The following ANKRD30BL variants were observed in gnomAD, a reference collection of about 807,000 sequenced individuals.
ANKRD30BL encodes ankyrin repeat domain 30B like.
A neutral mutation model predicts 18.4 loss-of-function variants in ANKRD30BL; 20 were observed. That is an observed-to-expected ratio of 1.09 (90% confidence interval 0.77 to 1.58). The LOEUF (loss-of-function observed/expected upper bound fraction) is 1.58. Among genes scored for constraint, ANKRD30BL ranks in the 40% most tolerant of loss-of-function variants. The probability of loss-of-function intolerance (pLI) is 0.00; values close to 1 mark genes in which losing one functional copy is unlikely to be tolerated. For synonymous variants in ANKRD30BL, 72 were observed against 100.9 expected, an observed-to-expected ratio of 0.71 and a Z score of 1.72; for missense variants, 224 against 268.6, an observed-to-expected ratio of 0.83 and a Z score of 1.16.
intron 1 of ANKRD30BL, among the ~76,000 whole-genome samples, chr2:132,210,645 C>T (rs1679321607): frequency 6.6e-6 from 1 of 151,454 alleles, no homozygotes; most frequent in Non-Finnish European, 1.5e-5. Flanking sequence ...TTGAAGCACA[C>T]TTTTTGTGGA....
intron 1 of ANKRD30BL, among the ~76,000 whole-genome samples, chr2:132,222,857 A>AAAAAAAAAAAAAC (rs1679731726): frequency 6.9e-6 from 1 of 144,274 alleles, no homozygotes; most frequent in Non-Finnish European, 1.5e-5. Context: ...AAAAAAAAAA[A>AAAAAAAAAAAAAC]AAAAAAAGAA....
intron 1 of ANKRD30BL, among the ~76,000 whole-genome samples, chr2:132,228,002 TG>T (rs1679893516): frequency 6.6e-6 from 1 of 152,138 alleles, no homozygotes; most frequent in Non-Finnish European, 1.5e-5. Flanking sequence ...CTCTTACTTT[TG>T]ATTGAGCAGT....
intron 1 of ANKRD30BL, among the ~76,000 whole-genome samples, chr2:132,240,773 G>A (rs557362127): frequency 2.0e-5 from 3 of 151,680 alleles, no homozygotes; most frequent in African/African-American, 4.8e-5. Flanking sequence ...CCCTCTTTTT[G>A]TAGTTTCTGG....
At chr2:132,185,809 A>G (rs1688550957) in intron 1 of ANKRD30BL, among the ~76,000 whole-genome samples, 2 of 152,208 alleles carry the variant, frequency 1.3e-5, no homozygotes, top group South Asian at 4.1e-4. Flanking sequence ...GAATACATTC[A>G]CATGGATTAC....
At chr2:132,212,560 C>A (rs1347315725) in intron 1 of ANKRD30BL, among the ~76,000 whole-genome samples, 1 of 151,896 alleles carries the variant, frequency 6.6e-6, no homozygotes, top group African/African-American at 2.4e-5. Flanking sequence ...TTTGATTGAG[C>A]AACTTGGAAA....
chr2:132,185,308 C>T (rs1245590490), intron 1 of ANKRD30BL, among the ~76,000 whole-genome samples: 1 of 152,170 alleles, frequency 6.6e-6, no homozygotes, highest in Non-Finnish European at 1.5e-5. Flanking sequence ...CAATTCTCAC[C>T]ACCAGAGAGA....
intron 1 of ANKRD30BL, among the ~76,000 whole-genome samples, chr2:132,200,834 C>T (rs1245186143): frequency 6.6e-6 from 1 of 152,150 alleles, no homozygotes; most frequent in African/African-American, 2.4e-5. Context: ...CCCGCATCGC[C>T]AAGTCAATCC....
intron 1 of ANKRD30BL, among the ~76,000 whole-genome samples, chr2:132,228,188 T>C (rs1433561630): frequency 1.3e-5 from 2 of 151,866 alleles, no homozygotes; most frequent in East Asian, 3.9e-4. Context: ...CAGTTTTGAA[T>C]CTCTCTTTTT....
intron 1 of ANKRD30BL, among the ~76,000 whole-genome samples, chr2:132,251,117 A>T (rs1055443557): frequency 2.0e-5 from 3 of 152,212 alleles, no homozygotes; most frequent in Non-Finnish European, 2.9e-5. Flanking sequence ...CTTTGAAGTG[A>T]AAGTCTGCTA....
intron 1 of ANKRD30BL, among the ~76,000 whole-genome samples, chr2:132,223,106 T>A (rs953418671): frequency 6.6e-6 from 1 of 152,118 alleles, no homozygotes; most frequent in Non-Finnish European, 1.5e-5. Context: ...GAAACGGGAA[T>A]ATATTTACAT....
chr2:132,167,340 ATTTT>A (rs1470542037), intron 1 of ANKRD30BL, among the ~76,000 whole-genome samples: 4 of 116,234 alleles, frequency 3.4e-5, no homozygotes, highest in Non-Finnish European at 7.6e-5. Context: ...ATTTTATTTT[ATTTT>A]GAGATAGAGC....
intron 1 of ANKRD30BL, among the ~76,000 whole-genome samples, chr2:132,233,606 T>A (rs1003069963): frequency 4.6e-5 from 7 of 150,588 alleles, no homozygotes; most frequent in African/African-American, 1.7e-4. Context: ...TACATAATGG[T>A]AAAGGGATCA....
At chr2:132,225,753 A>G (rs1312909936) in intron 1 of ANKRD30BL, among the ~76,000 whole-genome samples, 3 of 152,102 alleles carry the variant, frequency 2.0e-5, no homozygotes, top group Non-Finnish European at 4.4e-5. Flanking sequence ...TTGATAGAGC[A>G]GGTTTCAAAC....
In ANKRD30BL at chr2:132,198,618, C is replaced by T. The variant is rs892236799; in HGVS notation, n.442-41472G>A. ...GATCACAGGCATGAGCCACAGCGCCCAGCCTTTTTTTTTTTTTTTAGACAG... is the reference window on the plus strand; with the variant it reads ...GATCACAGGCATGAGCCACAGCGCCTAGCCTTTTTTTTTTTTTTTAGACAG... On this transcript the variant is annotated intron_variant and non_coding_transcript_variant, in intron 1 of 4. Coordinates refer to the ANKRD30BL transcript ENST00000470729. Among the ~76,000 whole-genome samples the T allele has an allele frequency of 2.8e-4, 43 of 151,026 alleles. 1 individual carries two copies. Among genetic ancestry groups the T allele is most frequent in the Admixed American group, 9.2e-4 (14 of 15,182 alleles).
intron 1 of ANKRD30BL, among the ~76,000 whole-genome samples, chr2:132,210,909 C>G (rs1410794238): frequency 6.6e-6 from 1 of 151,978 alleles, no homozygotes; most frequent in African/African-American, 2.4e-5. Flanking sequence ...CAGAAGCATT[C>G]TGAGAAACTT....
intron 1 of ANKRD30BL, among the ~76,000 whole-genome samples, chr2:132,254,942 G>A (rs1015378503): frequency 6.6e-6 from 1 of 152,180 alleles, no homozygotes; most frequent in Non-Finnish European, 1.5e-5. Flanking sequence ...GGCTGGGTGA[G>A]TTTTCCCATG....
chr2:132,254,285 G>A (rs1460358077), intron 1 of ANKRD30BL, among the ~76,000 whole-genome samples: 1 of 152,202 alleles, frequency 6.6e-6, no homozygotes, highest in Non-Finnish European at 1.5e-5. Flanking sequence ...GCGCCACAGG[G>A]GAACACGGTC....
intron 1 of ANKRD30BL, among the ~76,000 whole-genome samples, chr2:132,249,142 C>T (rs56092021): frequency 0.17 from 25,848 of 151,288 alleles, 2,139 homozygotes; most frequent in Non-Finnish European, 0.25. Context: ...CCTTTTTCAC[C>T]ATAGGCCTCA....
chr2:132,170,776 C>G (rs1688263853), intron 1 of ANKRD30BL, among the ~76,000 whole-genome samples: 1 of 152,206 alleles, frequency 6.6e-6, no homozygotes, highest in Admixed American at 6.5e-5. Flanking sequence ...GAAGACTTCA[C>G]CTATGTGTTT....
Sources: allele counts gnomAD v4.1 joint callset (sites outside exome capture counted in the v4.1 genomes callset), GRCh38; gene constraint gnomAD v4.1.1; transcripts MANE v1.5; gene names NCBI Gene and HGNC (gene_info 2026-07-23, HGNC 2026-07-21).